SIPA1L1: variants seen among roughly 807,000 people sequenced by gnomAD.
SIPA1L1 encodes signal induced proliferation associated 1 like 1, also known as signal-induced proliferation-associated 1-like protein 1.
In SIPA1L1, 26 loss-of-function variants were observed where a neutral mutation model predicts 162.7. The ratio of observed to expected loss-of-function variants is 0.16; its 90% CI spans 0.12 to 0.22. The LOEUF (loss-of-function observed/expected upper bound fraction) is 0.22. Ranked by LOEUF, SIPA1L1 falls within the 10% of genes least tolerant of loss-of-function variation. The probability of loss-of-function intolerance (pLI) is 1.00; values close to 1 mark genes in which losing one functional copy is unlikely to be tolerated. For synonymous variants in SIPA1L1, 829 were observed against 837.4 expected (o/e 0.99, Z 0.17); for missense variants, 1,874 against 2,241.0 (o/e 0.84, Z 3.31).
At chr14:71,469,149 A>G (rs145093530) in intron 2 of SIPA1L1, among the ~76,000 whole-genome samples, 3 of 151,500 alleles carry the variant, frequency 2.0e-5, no homozygotes, top group East Asian at 1.9e-4. Context: ...CTCACCTCCA[A>G]GATAACTTCC....
At chr14:71,395,096 A>G (rs192555060) in intron 2 of SIPA1L1, among the ~76,000 whole-genome samples, 29 of 152,304 alleles carry the variant, frequency 1.9e-4, no homozygotes, top group African/African-American at 7.0e-4. Flanking sequence ...ATTTTTCTTA[A>G]AAAGAGTTTG....
intron 2 of SIPA1L1, among the ~76,000 whole-genome samples, chr14:71,506,219 G>C (rs2050655630): frequency 6.6e-6 from 1 of 152,020 alleles, no homozygotes; most frequent in Admixed American, 6.6e-5. Flanking sequence ...GATTATTTGT[G>C]TTTTGCTTCA....
At chr14:71,444,754 T>G (rs1291548413) in intron 2 of SIPA1L1, among the ~76,000 whole-genome samples, 2 of 152,176 alleles carry the variant, frequency 1.3e-5, no homozygotes, top group African/African-American at 4.8e-5. Context: ...AGAACATAGT[T>G]GGACCCTTTA....
chr14:71,481,500 A>AAAC (rs1299429250), intron 2 of SIPA1L1, among the ~76,000 whole-genome samples: 2 of 152,080 alleles, frequency 1.3e-5, no homozygotes, highest in African/African-American at 2.4e-5. Flanking sequence ...ACAAACAAAC[A>AAAC]AACAACAACA....
At chr14:71,557,184 C>T (rs2056423644) in intron 4 of SIPA1L1, among the ~76,000 whole-genome samples, 1 of 152,144 alleles carries the variant, frequency 6.6e-6, no homozygotes, top group Admixed American at 6.5e-5. Flanking sequence ...TGCATATATT[C>T]AGTGTATTCA....
intron 2 of SIPA1L1, among the ~76,000 whole-genome samples, chr14:71,463,079 T>C (rs2046727347): frequency 6.6e-6 from 1 of 152,256 alleles, no homozygotes; most frequent in African/African-American, 2.4e-5. Flanking sequence ...AAGATCTATG[T>C]CTTCTGCGCA....
At chr14:71,544,429 T>G (rs2054985969) in intron 4 of SIPA1L1, among the ~76,000 whole-genome samples, 1 of 152,094 alleles carries the variant, frequency 6.6e-6, no homozygotes, top group South Asian at 2.1e-4. Context: ...AGCTTGCCTG[T>G]TCATTTTCTT....
intron 2 of SIPA1L1, chr14:71,321,594 A>T (rs1172077229): frequency 2.0e-5 from 3 of 152,244 alleles, no homozygotes; most frequent in African/African-American, 7.2e-5. Context: ...TGGGAAATGG[A>T]GACGAACAGC....
At chr14:71,459,610 A>G (rs142319559) in intron 2 of SIPA1L1, among the ~76,000 whole-genome samples, 4 of 152,292 alleles carry the variant, frequency 2.6e-5, no homozygotes, top group Admixed American at 1.3e-4. Context: ...CAAGGGCAGG[A>G]AGCGTCCAGC....
intron 2 of SIPA1L1, among the ~76,000 whole-genome samples, chr14:71,495,639 G>C (rs1191237571): frequency 2.6e-5 from 4 of 151,202 alleles, no homozygotes; most frequent in Non-Finnish European, 4.4e-5. Flanking sequence ...ATTGGGTTTT[G>C]CTCTAAACTT....
chr14:71,427,900 A>T (rs2043696369), intron 2 of SIPA1L1, among the ~76,000 whole-genome samples: 5 of 151,366 alleles, frequency 3.3e-5, no homozygotes, highest in Admixed American at 3.3e-4. Context: ...TTTCAGGGTC[A>T]GTTTTTAATT....
intron 2 of SIPA1L1, among the ~76,000 whole-genome samples, chr14:71,399,239 T>G (rs2041471098): frequency 6.6e-6 from 1 of 152,212 alleles, no homozygotes; most frequent in Admixed American, 6.5e-5. Context: ...TAAATTCTAG[T>G]GAAGGGAAGA....
chr14:71,374,312 A>C (rs902714516), intron 2 of SIPA1L1, among the ~76,000 whole-genome samples: 1 of 152,072 alleles, frequency 6.6e-6, no homozygotes, highest in Non-Finnish European at 1.5e-5. Flanking sequence ...GTAAGAGTTA[A>C]TTTTTTGTAA....
In SIPA1L1 at chr14:71,672,648, C is replaced by G. The variant is rs758128540; in HGVS notation, c.3104+26C>G. On this transcript the variant is annotated intron_variant, in intron 12 of 23. Coordinates refer to ENST00000381232, the MANE Select transcript of SIPA1L1 (RefSeq NM_001386936.1). ...GTAGGTCTGAGGAGACAGCTGTGGGCCTGAGACTCGAGTGCAGGGTTTGTG... is the reference window on the plus strand; with the variant it reads ...GTAGGTCTGAGGAGACAGCTGTGGGGCTGAGACTCGAGTGCAGGGTTTGTG... 28 of 1,605,656 alleles carry G rather than the reference C, an allele frequency of 1.7e-5. No individual in the cohort carries two copies. The South Asian group carries it at 3.0e-4, about 17-fold the overall frequency.
chr14:71,462,131 C>T (rs960474453), intron 2 of SIPA1L1, among the ~76,000 whole-genome samples: 2 of 152,220 alleles, frequency 1.3e-5, no homozygotes, highest in Admixed American at 1.3e-4. Context: ...GTTCAGGTTG[C>T]ATGGTGACTT....
chr14:71,545,412 AGAT>A (rs771271685), intron 4 of SIPA1L1, among the ~76,000 whole-genome samples: 5 of 152,168 alleles, frequency 3.3e-5, no homozygotes, highest in Non-Finnish European at 5.9e-5. Context: ...ATCTTTCATT[AGAT>A]ATAGATTTTC....
chr14:71,688,224 A>G (rs1195379137), intron 13 of SIPA1L1, among the ~76,000 whole-genome samples: 1 of 152,238 alleles, frequency 6.6e-6, no homozygotes, highest in Non-Finnish European at 1.5e-5. Context: ...GTAATACTAC[A>G]AAATCTAAAA....
chr14:71,330,392 G>A, intron 2 of SIPA1L1: 3 of 1,072,090 alleles, frequency 2.8e-6, no homozygotes, highest in East Asian at 2.4e-5. Flanking sequence ...AAGCGGACAT[G>A]CATGCTGATT....
At chr14:71,337,144 G>A (rs1475181237) in intron 2 of SIPA1L1, among the ~76,000 whole-genome samples, 2 of 152,082 alleles carry the variant, frequency 1.3e-5, no homozygotes, top group Non-Finnish European at 2.9e-5. Flanking sequence ...TTGCTTTTAC[G>A]ACATTCCTAT....
Sources: allele counts gnomAD v4.1 joint callset (sites outside exome capture counted in the v4.1 genomes callset), GRCh38; gene constraint gnomAD v4.1.1; transcripts MANE v1.5; gene names NCBI Gene and HGNC (gene_info 2026-07-23, HGNC 2026-07-21).